Variants in ZNF100 observed in about 807,000 individuals in gnomAD.
The protein encoded by ZNF100 is zinc finger protein 100, also known as zinc finger protein 100 (Y1).
ZNF100 carries 12 observed loss-of-function variants against 15.8 expected under a neutral mutation model. The ratio of observed to expected loss-of-function variants is 0.76; its 90% CI spans 0.49 to 1.23. The LOEUF is 1.23. Ranked by LOEUF, ZNF100 falls within the 50% of genes most tolerant of loss-of-function variation. The pLI, the probability that ZNF100 is intolerant of heterozygous loss-of-function variation, is 0.00. For synonymous variants in ZNF100, 226 were observed against 214.8 expected (o/e 1.05, Z -0.45); for missense variants, 670 against 635.6 (o/e 1.05, Z -0.58).
chr19:21,722,794 T>G lies in ZNF100; in HGVS notation c.*3889A>C, dbSNP rs2145669345. 6.7e-6 allele frequency: 1 copy of G among 149,752 alleles called. No homozygotes were observed. The highest frequency in any genetic ancestry group is 2.0e-4 in the East Asian group (1 of 5,120). 9.3% of individuals were successfully genotyped at this position (149,752 alleles called of 1,614,324 possible). On this transcript the variant is annotated 3_prime_UTR_variant, in exon 5 of 5. Coordinates refer to ENST00000358296, the MANE Select transcript of ZNF100 (RefSeq NM_173531.4). The stretch of plus-strand genomic sequence containing the variant: ...TATACTTTTATTATATAAGTATATA[T>G]TTTAATAAAAGTATGTTACATAATA...
chr19:21,767,528 CAG>C lies in ZNF100; in HGVS notation c.-101_-100del. ...GCTAGGCCCCTAGGAGCAGAAGACA[CAG>C]AGAAGTGAGAGCAAAACCTGGAGCT... On this transcript the variant is annotated 5_prime_UTR_variant, in exon 1 of 5. Coordinates refer to ENST00000358296, the MANE Select transcript of ZNF100 (RefSeq NM_173531.4). 3 of 1,549,592 alleles carry C rather than the reference CAG, an allele frequency of 1.9e-6. No homozygotes were observed. Among genetic ancestry groups the C allele is most frequent in the Non-Finnish European group, 2.6e-6 (3 of 1,140,760 alleles).
chr19:21,755,881 A>G (rs909355081), intron 2 of ZNF100, among the ~76,000 whole-genome samples: 3 of 152,270 alleles, frequency 2.0e-5, no homozygotes, highest in Middle Eastern at 3.4e-3. Context: ...GAGCTGAACA[A>G]TGAGAACACA....
intron 2 of ZNF100, among the ~76,000 whole-genome samples, chr19:21,764,642 GAAA>G (rs538300546): frequency 8.0e-6 from 1 of 125,498 alleles, no homozygotes; most frequent in African/African-American, 2.9e-5. Context: ...TCCGTGTGGG[GAAA>G]AAAAAAAAAA....
At chr19:21,740,559 A>C (rs890228712) in intron 4 of ZNF100, among the ~76,000 whole-genome samples, 1 of 152,112 alleles carries the variant, frequency 6.6e-6, no homozygotes, top group Non-Finnish European at 1.5e-5. Context: ...CACATGTGAT[A>C]AGAGTTAATA....
In ZNF100 at chr19:21,727,995, A is replaced by T; in HGVS notation, c.323-6T>A. On this transcript the variant is annotated splice_region_variant and splice_polypyrimidine_tract_variant and intron_variant, in intron 4 of 4. Coordinates refer to ENST00000358296, the MANE Select transcript of ZNF100 (RefSeq NM_173531.4). ...GGGAAAATGAGAACATATAACTGAA[A>T]GAAATAAAAATAACAAATTACTTTA... 6.7e-7 allele frequency: 1 copy of T among 1,492,546 alleles called. No homozygotes were observed. 92.5% of individuals were successfully genotyped at this position (1,492,546 alleles called of 1,614,324 possible). A position where few individuals can be genotyped will look rare whatever the true frequency, so the allele number is the denominator to read the frequency against.
Position 21,725,904 on chromosome 19 carries a change from C to T in ZNF100, c.*779G>A. 6.6e-6 allele frequency: 1 copy of T among 152,100 alleles called. No individual in the cohort carries two copies. Among genetic ancestry groups the T allele is most frequent in the East Asian group, 1.9e-4 (1 of 5,174 alleles). 9.4% of individuals were successfully genotyped at this position (152,100 alleles called of 1,614,324 possible). ...GATTAAAATTTTTAAAAAATTTTTC[C>T]TGTATCTGCAAAAATATGTTTTAGT... On this transcript the variant is annotated 3_prime_UTR_variant, in exon 5 of 5. Transcript: ENST00000358296.
At chr19:21,763,497 A>T (rs1343023169) in intron 2 of ZNF100, among the ~76,000 whole-genome samples, 2 of 152,100 alleles carry the variant, frequency 1.3e-5, no homozygotes, top group Non-Finnish European at 2.9e-5. Flanking sequence ...GGCTGAGGCA[A>T]AGGAATCGCT....
chr19:21,735,140 A>G (rs983692511), intron 4 of ZNF100, among the ~76,000 whole-genome samples: 2 of 152,148 alleles, frequency 1.3e-5, no homozygotes, highest in Admixed American at 1.3e-4. Flanking sequence ...CAACTACGTC[A>G]ACAGGTCTGC....
chr19:21,763,449 G>A (rs927874218), intron 2 of ZNF100, among the ~76,000 whole-genome samples: 6 of 152,090 alleles, frequency 3.9e-5, no homozygotes, highest in African/African-American at 1.4e-4. Flanking sequence ...AATTAGCTGG[G>A]CATGGTGGCA....
Position 21,742,839 on chromosome 19 carries a change from T to C in ZNF100, c.322+1178A>G, listed in dbSNP as rs145582304. Among the ~76,000 whole-genome samples the C allele has an allele frequency of 4.2e-3, 633 of 152,178 alleles. 4 individuals are homozygous for C. Among genetic ancestry groups the C allele is most frequent in the African/African-American group, 0.015 (604 of 41,520 alleles). On this transcript the variant is annotated intron_variant, in intron 4 of 4. Transcript: ENST00000358296. The stretch of plus-strand genomic sequence containing the variant: ...TGTTCCATACATTTTAACCATCTGA[T>C]ACAATAAAGAAAACAATCTTATTTA...
chr19:21,731,026 T>C (rs2035907440), intron 4 of ZNF100, among the ~76,000 whole-genome samples: 1 of 151,914 alleles, frequency 6.6e-6, no homozygotes, highest in Admixed American at 6.6e-5. Context: ...ACCCCAAAAG[T>C]ATATAAAATG....
At chr19:21,736,009 C>G (rs898215434) in intron 4 of ZNF100, among the ~76,000 whole-genome samples, 24 of 152,132 alleles carry the variant, frequency 1.6e-4, no homozygotes, top group African/African-American at 5.6e-4. Flanking sequence ...AGGATGGTCT[C>G]GATCTCCCGA....
intron 4 of ZNF100, 132 bp from the exon 5 acceptor site, chr19:21,728,121 C>A (rs2035847790): frequency 1.3e-4 from 94 of 742,236 alleles, no homozygotes; most frequent in South Asian, 2.3e-4. Context: ...CCTTTATAGA[C>A]ATATAAATGT....
intron 4 of ZNF100, among the ~76,000 whole-genome samples, chr19:21,743,464 A>G (rs1478851845): frequency 2.6e-5 from 4 of 152,220 alleles, no homozygotes; most frequent in Non-Finnish European, 4.4e-5. Context: ...TCAAATAGCC[A>G]AAGCAATCTT....
In ZNF100 at chr19:21,724,434, A is replaced by G. The variant is rs2035737748; in HGVS notation, c.*2249T>C. ...TTGCAGGCAGACAGGAAACATGCTC[A>G]AAAAATAAATATTAGAAAACTTTAA... is the stretch of plus-strand genomic sequence containing the variant. On this transcript the variant is annotated 3_prime_UTR_variant, in exon 5 of 5. Coordinates refer to ENST00000358296, the MANE Select transcript of ZNF100 (RefSeq NM_173531.4). The G allele has an allele frequency of 6.6e-6, 1 of 152,186 alleles. No homozygotes were observed. The highest frequency in any genetic ancestry group is 2.1e-4 in the South Asian group (1 of 4,828). The allele number at this position is 152,186 out of a possible 1,614,324, so 9.4% of individuals were successfully genotyped here. A position where few individuals can be genotyped will look rare whatever the true frequency, so the allele number is the denominator to read the frequency against.
intron 4 of ZNF100, among the ~76,000 whole-genome samples, chr19:21,743,487 C>T (rs2036155442): frequency 6.6e-6 from 1 of 152,002 alleles, no homozygotes; most frequent in Admixed American, 6.6e-5. Context: ...GGCAAAAGAA[C>T]AAAGCAGAGG....
At chr19:21,739,428 T>C (rs1452551218) in intron 4 of ZNF100, among the ~76,000 whole-genome samples, 1 of 152,106 alleles carries the variant, frequency 6.6e-6, no homozygotes, top group Admixed American at 6.5e-5. Flanking sequence ...TGGTAGTGCA[T>C]GTCCATAGTC....
chr19:21,726,736 G>C lies in ZNF100; in HGVS notation c.1576C>G (p.Leu526Val). The C allele has an allele frequency of 6.2e-7, 1 of 1,606,826 alleles. No individual in the cohort carries two copies. Among genetic ancestry groups the C allele is most frequent in the Non-Finnish European group, 8.5e-7 (1 of 1,176,434 alleles). ...GAGTTATTTTGTTTAATAAGGCTTAGGGACTGGTTAAAGTCTTTACCACAT... is the reference window on the plus strand; with the variant it reads ...GAGTTATTTTGTTTAATAAGGCTTACGGACTGGTTAAAGTCTTTACCACAT... ...EECGKDFNQS[L>V]SLIKQNNSYW... Residue 526 changes from leucine (L) to valine (V), a missense_variant, in exon 5 of 5, where the codon CTA becomes GTA. By Grantham distance (32) the Leu-to-Val change is conservative. Coordinates refer to ENST00000358296, the MANE Select transcript of ZNF100 (RefSeq NM_173531.4).
chr19:21,727,220 C>T lies in ZNF100; in HGVS notation c.1092G>A (p.Lys364=). The change falls in exon 5 of 5, where the codon AAG becomes AAA. Residue 364 remains lysine, a synonymous_variant. Transcript: ENST00000358296. ...FNQSSTLTTH[K]ITHAGEKPYK... ...AAGGTTTCTCTCCAGCATGAGTTAT[C>T]TTATGTGTAGTAAGGGTTGAGGACT... 1 of 1,613,568 alleles carries T rather than the reference C, an allele frequency of 6.2e-7. No homozygotes were observed. The highest frequency in any genetic ancestry group is 8.5e-7 in the Non-Finnish European group (1 of 1,179,836).
Sources: gnomAD v4.1 joint callset for allele counts (sites outside exome capture counted in the v4.1 genomes callset) on GRCh38, gnomAD v4.1.1 for gene constraint, MANE v1.5 for transcripts, NCBI Gene and HGNC (gene_info 2026-07-23, HGNC 2026-07-21) for gene names.